The following CSMD3 variants were observed in gnomAD, a reference collection of about 807,000 sequenced individuals.
CSMD3 encodes CUB and sushi domain-containing protein 3.
A neutral mutation model predicts 435.2 loss-of-function variants in CSMD3; 177 were observed. The ratio of observed to expected loss-of-function variants is 0.41; its 90% CI spans 0.36 to 0.46. The LOEUF is 0.46. CSMD3 is among the 20% of genes least tolerant of loss of function. The pLI is 0.34. For synonymous variants in CSMD3, 1,656 were observed against 1,520.5 expected, an observed-to-expected ratio of 1.09 and a Z score of -2.07; for missense variants, 4,265 against 4,504.6, an observed-to-expected ratio of 0.95 and a Z score of 1.52.
chr8:113,112,632 T>C (rs1229094530), intron 4 of CSMD3, among the ~76,000 whole-genome samples: 5 of 151,182 alleles, frequency 3.3e-5, no homozygotes, highest in Non-Finnish European at 7.4e-5. Flanking sequence ...CTGCAGAAAA[T>C]TGAAGCTTAT....
intron 32 of CSMD3, among the ~76,000 whole-genome samples, chr8:112,456,679 T>C (rs568508680): frequency 1.3e-5 from 2 of 152,224 alleles, no homozygotes; most frequent in South Asian, 2.1e-4. Flanking sequence ...CAGATATAAT[T>C]ATCTCTTTTT....
In CSMD3 at chr8:112,302,047, G is replaced by T. The variant is rs1586706698; in HGVS notation, c.8267-81C>A. ...AACAAAACTGTGCTTTGAACATTTTGAGCTTCCTATGATTTGATGTATTTA... is the reference window on the plus strand; with the variant it reads ...AACAAAACTGTGCTTTGAACATTTTTAGCTTCCTATGATTTGATGTATTTA... On this transcript the variant is annotated intron_variant, in intron 52 of 70. Transcript: ENST00000297405. 4.1e-6 allele frequency: 4 copies of T among 964,080 alleles called. No individual in the cohort carries two copies. In the East Asian group the frequency reaches 1.0e-4, roughly 25 times the overall value. 59.7% of individuals were successfully genotyped at this position (964,080 alleles called of 1,614,324 possible).
intron 15 of CSMD3, 91 bp from the exon 16 acceptor site, chr8:112,682,727 A>C (rs2075929049): frequency 1.1e-6 from 1 of 905,328 alleles, no homozygotes; most frequent in Non-Finnish European, 1.8e-6. Context: ...AGAGAGAGAA[A>C]GAGATATTTT....
At chr8:112,276,441 T>G (rs900881753) in intron 59 of CSMD3, among the ~76,000 whole-genome samples, 1 of 152,164 alleles carries the variant, frequency 6.6e-6, no homozygotes, top group Non-Finnish European at 1.5e-5. Context: ...GCAGACTCTG[T>G]GTAGGGGCTC....
At chr8:112,337,204 G>A (rs934968638) in intron 43 of CSMD3, among the ~76,000 whole-genome samples, 1 of 152,030 alleles carries the variant, frequency 6.6e-6, no homozygotes, top group African/African-American at 2.4e-5. Flanking sequence ...TTTTCTAGAG[G>A]AAAGGAACTC....
intron 60 of CSMD3, among the ~76,000 whole-genome samples, chr8:112,264,592 G>A (rs11778262): frequency 0.21 from 31,782 of 151,810 alleles, 3,779 homozygotes; most frequent in East Asian, 0.37. Context: ...AACATAAAAT[G>A]TCTGCTCATG....
At chr8:113,264,036 T>C (rs1442343196) in intron 3 of CSMD3, among the ~76,000 whole-genome samples, 2 of 151,368 alleles carry the variant, frequency 1.3e-5, no homozygotes, top group African/African-American at 4.8e-5. Context: ...AATGATATAG[T>C]AAAAAGAATA....
chr8:113,220,616 G>A (rs1182994419), intron 3 of CSMD3, among the ~76,000 whole-genome samples: 2 of 151,454 alleles, frequency 1.3e-5, no homozygotes, highest in African/African-American at 4.8e-5. Flanking sequence ...ATATTGGCTG[G>A]TTGATGTGGT....
At chr8:113,338,962 G>C (rs749441834) in intron 1 of CSMD3, among the ~76,000 whole-genome samples, 67 of 151,804 alleles carry the variant, frequency 4.4e-4, no homozygotes, top group Non-Finnish European at 5.6e-4. Context: ...ACTTTAAAAT[G>C]TTTTTCATAA....
intron 7 of CSMD3, among the ~76,000 whole-genome samples, chr8:112,958,030 T>G (rs1388275577): frequency 6.6e-6 from 1 of 152,116 alleles, no homozygotes; most frequent in Non-Finnish European, 1.5e-5. Flanking sequence ...TTTGTATGAG[T>G]GTATGAATGA....
intron 6 of CSMD3, among the ~76,000 whole-genome samples, chr8:113,016,886 C>T (rs564809260): frequency 6.6e-6 from 1 of 151,878 alleles, no homozygotes; most frequent in Admixed American, 6.6e-5. Context: ...TAAATTTCTT[C>T]ATTATGATTT....
intron 1 of CSMD3, among the ~76,000 whole-genome samples, chr8:113,320,133 G>T (rs2093939318): frequency 6.6e-6 from 1 of 151,988 alleles, no homozygotes; most frequent in Non-Finnish European, 1.5e-5. Context: ...AGAACACATA[G>T]AAGTAAAACT....
intron 5 of CSMD3, among the ~76,000 whole-genome samples, chr8:113,097,090 C>G (rs996769298): frequency 9.9e-5 from 15 of 152,012 alleles, no homozygotes; most frequent in Non-Finnish European, 2.2e-4. Context: ...CTATAACATC[C>G]AAGGTTTCTC....
At chr8:112,501,133 C>G (rs562740694) in intron 30 of CSMD3, among the ~76,000 whole-genome samples, 44 of 151,768 alleles carry the variant, frequency 2.9e-4, no homozygotes, top group African/African-American at 8.4e-4. Context: ...ACCTCTGCCC[C>G]TAAACTCACT....
intron 38 of CSMD3, among the ~76,000 whole-genome samples, chr8:112,363,261 G>A (rs770044059): frequency 7.2e-5 from 11 of 151,926 alleles, no homozygotes; most frequent in Non-Finnish European, 1.3e-4. Flanking sequence ...CAGGAATATT[G>A]GAAGTGCCTA....
At chr8:112,818,761 TCTC>T (rs1490550841) in intron 12 of CSMD3, among the ~76,000 whole-genome samples, 1 of 152,074 alleles carries the variant, frequency 6.6e-6, no homozygotes, top group African/African-American at 2.4e-5. Context: ...CTGTGTCCCT[TCTC>T]CACCTCCCCT....
chr8:112,497,854 A>G (rs1003348909), intron 30 of CSMD3, among the ~76,000 whole-genome samples: 2 of 152,078 alleles, frequency 1.3e-5, no homozygotes, highest in African/African-American at 4.8e-5. Flanking sequence ...AAGACCCTGA[A>G]GTGGGCAATG....
intron 31 of CSMD3, among the ~76,000 whole-genome samples, chr8:112,485,983 T>A (rs1563601889): frequency 6.6e-6 from 1 of 151,140 alleles, no homozygotes; most frequent in African/African-American, 2.4e-5. Flanking sequence ...TATCAGCATA[T>A]GTGAAACAAA....
At chr8:112,421,609 T>A (rs1335062353) in intron 32 of CSMD3, among the ~76,000 whole-genome samples, 1 of 147,144 alleles carries the variant, frequency 6.8e-6, no homozygotes, top group African/African-American at 2.5e-5. Context: ...TAATAATATA[T>A]GTATATATAC....
Sources: allele counts gnomAD v4.1 joint callset (sites outside exome capture counted in the v4.1 genomes callset), GRCh38; gene constraint gnomAD v4.1.1; transcripts MANE v1.5; gene names NCBI Gene and HGNC (gene_info 2026-07-23, HGNC 2026-07-21).